The following NEMF variants were observed in gnomAD, a reference collection of about 807,000 sequenced individuals.
The protein encoded by NEMF is ribosome quality control complex subunit NEMF.
In NEMF, 89 loss-of-function variants were observed where a neutral mutation model predicts 162.2. The observed-to-expected ratio is 0.55, with a 90% CI of 0.46 to 0.65. The LOEUF is 0.65. Among genes scored for constraint, NEMF ranks in the 30% least tolerant of loss-of-function variants. The pLI is 0.00. For synonymous variants in NEMF, 421 were observed against 404.5 expected, an observed-to-expected ratio of 1.04 and a Z score of -0.49; for missense variants, 1,133 against 1,261.9, an observed-to-expected ratio of 0.90 and a Z score of 1.55.
At chr14:49,813,661 A>AGG (rs1052170026) in intron 18 of NEMF, among the ~76,000 whole-genome samples, 15 of 61,104 alleles carry the variant, frequency 2.5e-4, no homozygotes, top group African/African-American at 1.0e-3. Context: ...TTTTTTTATT[A>AGG]GGTGTGTGTG....
chr14:49,814,080 T>A, intron 17 of NEMF, 30 bp from the exon 18 acceptor site: 1 of 1,248,618 alleles, frequency 8.0e-7, no homozygotes, highest in Non-Finnish European at 1.2e-6. Context: ...AAAATGACAC[T>A]TTAAGTCCTA....
At chr14:49,784,742 C>T (rs1161335569) in intron 32 of NEMF, 29 bp from the exon 33 acceptor site, 2 of 1,567,928 alleles carry the variant, frequency 1.3e-6, no homozygotes, top group African/African-American at 1.4e-5. Context: ...TGAATATCTT[C>T]ACATCCTGTA....
At chr14:49,820,861 C>G (rs958994436) in intron 16 of NEMF, among the ~76,000 whole-genome samples, 7 of 152,088 alleles carry the variant, frequency 4.6e-5, no homozygotes, top group African/African-American at 1.7e-4. Context: ...CACGAGTGAT[C>G]CGCCAGCCTC....
intron 4 of NEMF, among the ~76,000 whole-genome samples, chr14:49,845,587 T>C (rs1011016650): frequency 6.6e-6 from 1 of 152,228 alleles, no homozygotes; most frequent in Non-Finnish European, 1.5e-5. Flanking sequence ...ACTTTCTTTC[T>C]TTAGATCCAT....
At chr14:49,792,254 T>C (rs1890488385) in intron 26 of NEMF, among the ~76,000 whole-genome samples, 1 of 152,194 alleles carries the variant, frequency 6.6e-6, no homozygotes, top group African/African-American at 2.4e-5. Context: ...TCTTGCTCTG[T>C]CACCCAGGCT....
At chr14:49,823,890 C>A (rs527298963) in intron 16 of NEMF, among the ~76,000 whole-genome samples, 1 of 152,224 alleles carries the variant, frequency 6.6e-6, no homozygotes, top group South Asian at 2.1e-4. Flanking sequence ...AACTATCAGC[C>A]AGGTGTGATG....
chr14:49,834,946 C>T (rs1424045236), intron 6 of NEMF, among the ~76,000 whole-genome samples: 3 of 152,142 alleles, frequency 2.0e-5, no homozygotes, highest in Non-Finnish European at 4.4e-5. Context: ...TGCCTATAAT[C>T]CCGGCACTTT....
At chr14:49,843,426 C>T (rs1264295795) in intron 4 of NEMF, among the ~76,000 whole-genome samples, 3 of 151,964 alleles carry the variant, frequency 2.0e-5, no homozygotes, top group African/African-American at 4.8e-5. Flanking sequence ...CCCAGGAGGC[C>T]GAGTTTGCAG....
chr14:49,821,930 T>A (rs985546782), intron 16 of NEMF, among the ~76,000 whole-genome samples: 4 of 152,114 alleles, frequency 2.6e-5, no homozygotes, highest in African/African-American at 9.7e-5. Flanking sequence ...TAGAAAGTAG[T>A]AGACATGGGA....
At chr14:49,812,469 A>C (rs1891522987) in intron 18 of NEMF, among the ~76,000 whole-genome samples, 5 of 151,600 alleles carry the variant, frequency 3.3e-5, no homozygotes, top group Admixed American at 2.6e-4. Flanking sequence ...TTGTTTTTCT[A>C]GTTCTTAAGG....
chr14:49,803,862 C>T (rs576331397), intron 19 of NEMF, among the ~76,000 whole-genome samples: 2 of 151,948 alleles, frequency 1.3e-5, no homozygotes, highest in East Asian at 1.9e-4. Context: ...CAGAACTGGT[C>T]CACTCATCTC....
intron 16 of NEMF, among the ~76,000 whole-genome samples, chr14:49,822,122 G>T (rs537442626): frequency 6.6e-6 from 1 of 151,844 alleles, no homozygotes; most frequent in Non-Finnish European, 1.5e-5. Flanking sequence ...CATGCTCGTT[G>T]AGAGTCATCA....
At chr14:49,846,318 T>C (rs2140026407) in intron 3 of NEMF, 53 bp from the exon 4 acceptor site, 3 of 1,552,992 alleles carry the variant, frequency 1.9e-6, no homozygotes, top group African/African-American at 1.4e-5. Flanking sequence ...TTCCTAACCA[T>C]TTGGTATTGG....
intron 16 of NEMF, 100 bp from the exon 17 acceptor site, chr14:49,814,957 T>A (rs1891649682): frequency 1.5e-6 from 1 of 676,576 alleles, no homozygotes; most frequent in African/African-American, 1.9e-5. Flanking sequence ...TTAAGACAAG[T>A]TGATGGTTTA....
At chr14:49,847,738 T>G (rs1893577548) in intron 3 of NEMF, among the ~76,000 whole-genome samples, 2 of 135,626 alleles carry the variant, frequency 1.5e-5, no homozygotes, top group Non-Finnish European at 3.1e-5. Flanking sequence ...TTTTTTTCTT[T>G]AAGAGAGTCT....
In NEMF at chr14:49,840,699, T is replaced by C. The variant is rs373277750; in HGVS notation, c.506+19A>G. ...ATTTTAATACAATACGAAATGGGTT[T>C]AAAAACAAAACACTTTACCTTTCCA... On this transcript the variant is annotated intron_variant, in intron 5 of 32. Transcript: ENST00000298310. 1.9e-6 allele frequency: 3 copies of C among 1,602,656 alleles called. No individual in the cohort carries two copies. Among genetic ancestry groups the C allele is most frequent in the Non-Finnish European group, 2.6e-6 (3 of 1,176,380 alleles).
intron 5 of NEMF, among the ~76,000 whole-genome samples, chr14:49,840,142 AG>A (rs1427872749): frequency 6.6e-6 from 1 of 151,902 alleles, no homozygotes; most frequent in Admixed American, 6.6e-5. Context: ...GCCTCAGGGA[AG>A]GGGGAGTGAG....
chr14:49,847,371 T>C (rs1893555250), intron 3 of NEMF, among the ~76,000 whole-genome samples: 1 of 151,734 alleles, frequency 6.6e-6, no homozygotes, highest in South Asian at 2.1e-4. Flanking sequence ...GCCTGGCTAA[T>C]TTTTTGTATT....
intron 3 of NEMF, chr14:49,849,491 G>T (rs1049404100): frequency 6.6e-6 from 1 of 152,234 alleles, no homozygotes; most frequent in African/African-American, 2.4e-5. Flanking sequence ...AACTCTGCCT[G>T]TGCCATGCAA....
Sources: gnomAD v4.1 joint callset for allele counts (sites outside exome capture counted in the v4.1 genomes callset) on GRCh38, gnomAD v4.1.1 for gene constraint, MANE v1.5 for transcripts, NCBI Gene and HGNC (gene_info 2026-07-23, HGNC 2026-07-21) for gene names.